CDCA7L: variants seen among roughly 807,000 people sequenced by gnomAD.
The protein encoded by CDCA7L is cell division cycle associated 7 like, also known as cell division cycle-associated 7-like protein.
A neutral mutation model predicts 57.4 loss-of-function variants in CDCA7L; 44 were observed. That is an observed-to-expected ratio of 0.77 (90% CI 0.60 to 0.98). CDCA7L has a LOEUF of 0.98. CDCA7L is among the 50% of genes least tolerant of loss of function. The pLI, the probability that CDCA7L is intolerant of heterozygous loss-of-function variation, is 0.00. For synonymous variants in CDCA7L, 236 were observed against 202.8 expected (o/e 1.16, Z -1.39); for missense variants, 644 against 580.6 (o/e 1.11, Z -1.12).
At chr7:21,903,454 G>A (rs575100910) in intron 8 of CDCA7L, among the ~76,000 whole-genome samples, 12 of 152,264 alleles carry the variant, frequency 7.9e-5, no homozygotes, top group African/African-American at 2.9e-4. Flanking sequence ...AAAATATCAA[G>A]GTATGAATTT....
chr7:21,915,658 A>ACACAC (rs59164908), intron 2 of CDCA7L, among the ~76,000 whole-genome samples: 1 of 73,504 alleles, frequency 1.4e-5, no homozygotes, highest in African/African-American at 6.0e-5. Flanking sequence ...AAAAAAAAAA[A>ACACAC]ACACACACAC....
chr7:21,916,930 G>A (rs775031643), intron 1 of CDCA7L, 36 bp from the exon 2 acceptor site: 3 of 1,612,324 alleles, frequency 1.9e-6, no homozygotes, highest in Admixed American at 3.3e-5. Flanking sequence ...ATTAAACCAG[G>A]GGTTCTTGCT....
chr7:21,906,029 G>C (rs1785126756), intron 6 of CDCA7L, among the ~76,000 whole-genome samples: 1 of 152,164 alleles, frequency 6.6e-6, no homozygotes, highest in Non-Finnish European at 1.5e-5. Context: ...GATTAAAGCA[G>C]GGTCCTAACA....
chr7:21,908,207 C>G lies in CDCA7L; in HGVS notation c.604G>C (p.Asp202His), dbSNP rs371377746. 5.6e-6 allele frequency: 9 copies of G among 1,610,920 alleles called. No homozygotes were observed. In the East Asian group the frequency reaches 1.6e-4, roughly 28 times the overall value. Reference sequence around the variant, plus strand: ...CTCTCCTGGCTCTCATCCCGAGAGTCATCCTCAGACTCAGAGGTAGAATCT... The same window carrying G: ...CTCTCCTGGCTCTCATCCCGAGAGTGATCCTCAGACTCAGAGGTAGAATCT... Reference protein sequence around the residue: ...REDSTSESEDDSRDESQESSD... With the variant: ...REDSTSESEDHSRDESQESSD... The change falls in exon 4 of 10, where the codon GAC becomes CAC. Residue 202 changes from aspartate to histidine, a missense_variant. By Grantham distance (81) the Asp-to-His change is moderately conservative. Transcript: ENST00000406877.
chr7:21,920,360 ACATTTAGTCAGGTTC>A (rs1209351494), intron 1 of CDCA7L, among the ~76,000 whole-genome samples: 9 of 152,322 alleles, frequency 5.9e-5, no homozygotes, highest in African/African-American at 1.2e-4. Context: ...ACTTAATTTT[ACATTTAGTCAGGTTC>A]CATTTAGGAA....
At position 21,901,031 on chromosome 7, in the gene CDCA7L, G is replaced by GAACC. The variant is rs1784792344; in HGVS notation, c.*1287_*1290dup. ...GGCGCCCGCTGGGACACCCAAGCAGGAACCATTGTTGAAGCCCGTCTCAAG... is the reference window on the plus strand; with the variant it reads ...GGCGCCCGCTGGGACACCCAAGCAGGAACCAACCATTGTTGAAGCCCGTCTCAAG... On this transcript the variant is annotated 3_prime_UTR_variant, in exon 10 of 10. Transcript: ENST00000406877. 2 of 1,609,422 alleles carry GAACC rather than the reference G, an allele frequency of 1.2e-6. No homozygotes were observed. Among genetic ancestry groups the GAACC allele is most frequent in the Non-Finnish European group, 1.7e-6 (2 of 1,177,604 alleles).
Position 21,900,982 on chromosome 7 carries a change from T to C in CDCA7L, c.*1340A>G. 1.3e-6 allele frequency: 2 copies of C among 1,548,094 alleles called. No homozygotes were observed. The highest frequency in any genetic ancestry group is 8.7e-7 in the Non-Finnish European group (1 of 1,147,770). ...CATTAGTAGCAAGCTGCCACACAAT[T>C]GCAACCGCTGTGTTTTTGCCATAGG... is the stretch of plus-strand genomic sequence containing the variant. On this transcript the variant is annotated 3_prime_UTR_variant, in exon 10 of 10. Coordinates refer to ENST00000406877, the MANE Select transcript of CDCA7L (RefSeq NM_018719.5).
At chr7:21,913,527 G>T (rs1785395278) in intron 2 of CDCA7L, among the ~76,000 whole-genome samples, 1 of 152,214 alleles carries the variant, frequency 6.6e-6, no homozygotes, top group Non-Finnish European at 1.5e-5. Context: ...AGGAAGAATG[G>T]TACACAGCTG....
intron 1 of CDCA7L, among the ~76,000 whole-genome samples, chr7:21,920,474 A>G (rs1217115800): frequency 6.6e-6 from 1 of 152,262 alleles, no homozygotes; most frequent in African/African-American, 2.4e-5. Flanking sequence ...AATCAAAGGA[A>G]GTGTAACATA....
chr7:21,926,713 A>T (rs888592008), intron 1 of CDCA7L, among the ~76,000 whole-genome samples: 12 of 151,566 alleles, frequency 7.9e-5, no homozygotes, highest in African/African-American at 2.9e-4. Flanking sequence ...AAAAAAAAAA[A>T]TGTTTTTTAA....
intron 1 of CDCA7L, among the ~76,000 whole-genome samples, chr7:21,933,400 C>G (rs915292707): frequency 6.6e-6 from 1 of 152,120 alleles, no homozygotes; most frequent in African/African-American, 2.4e-5. Flanking sequence ...GGAACCAACC[C>G]AAATGCCCAT....
At chr7:21,917,794 T>C (rs1379645507) in intron 1 of CDCA7L, among the ~76,000 whole-genome samples, 3 of 152,228 alleles carry the variant, frequency 2.0e-5, no homozygotes, top group Non-Finnish European at 2.9e-5. Flanking sequence ...TTGCAAACAT[T>C]GTATTGATTG....
intron 3 of CDCA7L, among the ~76,000 whole-genome samples, chr7:21,911,006 A>ATTTTTTTTTTTTTTTTTTTTTTT (rs557286550): frequency 1.2e-5 from 1 of 82,474 alleles, no homozygotes; most frequent in African/African-American, 5.9e-5. Flanking sequence ...TCTTGAGATA[A>ATTTTTTTTTTTTTTTTTTTTTTT]TTTTTTTTTT....
At chr7:21,926,655 T>C (rs12673256) in intron 1 of CDCA7L, among the ~76,000 whole-genome samples, 32,427 of 151,776 alleles carry the variant, frequency 0.21, 4,183 homozygotes, top group East Asian at 0.55. Flanking sequence ...GAGGATCACT[T>C]AAGCTCAGTT....
At position 21,905,566 on chromosome 7, in the gene CDCA7L, G is replaced by C. The variant is rs113584859; in HGVS notation, c.987C>G (p.Thr329=). The change falls in exon 7 of 10, where the codon ACC becomes ACG. Residue 329 remains threonine (T), a synonymous_variant. Coordinates refer to ENST00000406877, the MANE Select transcript of CDCA7L (RefSeq NM_018719.5). The part of the protein sequence containing the change: ...ISSFRPVEDI[T]EEDLENVAIT... ...TGGCAACATTTTCTAAGTCCTCTTCGGTGATATCCTCCACTGGCCGAAAAG... is the reference window on the plus strand; with the variant it reads ...TGGCAACATTTTCTAAGTCCTCTTCCGTGATATCCTCCACTGGCCGAAAAG... The C allele has an allele frequency of 1.2e-6, 2 of 1,613,722 alleles. No individual in the cohort carries two copies. Among genetic ancestry groups the C allele is most frequent in the Admixed American group, 3.3e-5 (2 of 59,986 alleles).
intron 1 of CDCA7L, among the ~76,000 whole-genome samples, chr7:21,928,224 A>C (rs1318949220): frequency 6.6e-6 from 1 of 152,194 alleles, no homozygotes. Context: ...TGACTGTTAG[A>C]AGAAAAACTA....
In CDCA7L at chr7:21,902,099, T is replaced by C. The variant is rs1347022840; in HGVS notation, c.*223A>G. On this transcript the variant is annotated 3_prime_UTR_variant, in exon 10 of 10. Transcript: ENST00000406877. The stretch of plus-strand genomic sequence containing the variant: ...CAGATATTTTTAACAAAGTTCAGCA[T>C]ACAGACAGGTCTGTGCATACATCTA... 2.2e-5 allele frequency: 12 copies of C among 547,578 alleles called. No homozygotes were observed. The highest frequency in any genetic ancestry group is 4.8e-4 in the Middle Eastern group (1 of 2,090). The allele number at this position is 547,578 out of a possible 1,614,324, so 33.9% of individuals were successfully genotyped here.
At chr7:21,941,941 C>T (rs1298963273) in intron 1 of CDCA7L, among the ~76,000 whole-genome samples, 1 of 152,174 alleles carries the variant, frequency 6.6e-6, no homozygotes, top group African/African-American at 2.4e-5. Flanking sequence ...CAAGGTCCCC[C>T]AGGTCCCCAT....
chr7:21,927,098 C>A (rs1785853451), intron 1 of CDCA7L, among the ~76,000 whole-genome samples: 1 of 152,118 alleles, frequency 6.6e-6, no homozygotes, highest in Non-Finnish European at 1.5e-5. Context: ...ATATTTAATT[C>A]TCAACAAAAG....
Sources: gnomAD v4.1 joint callset for allele counts (sites outside exome capture counted in the v4.1 genomes callset) on GRCh38, gnomAD v4.1.1 for gene constraint, MANE v1.5 for transcripts, NCBI Gene and HGNC (gene_info 2026-07-23, HGNC 2026-07-21) for gene names.